RGS7: variants seen among roughly 807,000 people sequenced by gnomAD.
RGS7 encodes regulator of G protein signaling 7, also known as regulator of G-protein signaling 7.
In RGS7, 27 loss-of-function variants were observed where a neutral mutation model predicts 81.1. The observed-to-expected ratio is 0.33, with a 90% CI of 0.25 to 0.46. RGS7 has a LOEUF of 0.46. Among genes scored for constraint, RGS7 ranks in the 20% least tolerant of loss-of-function variants. The pLI is 1.00. For synonymous variants in RGS7, 208 were observed against 207.7 expected (o/e 1.00, Z -0.01); for missense variants, 396 against 607.4 (o/e 0.65, Z 3.66).
chr1:240,803,071 A>G lies in RGS7; in HGVS notation c.1270-78T>C, dbSNP rs898930318. On this transcript the variant is annotated intron_variant, in intron 15 of 18. Transcript: ENST00000440928. ...AAATATCATGATGTCACACATGGCT[A>G]AAGAACAAATCTAGTAGCAGCGAAA... is the stretch of plus-strand genomic sequence containing the variant. The G allele has an allele frequency of 4.0e-6, 4 of 991,286 alleles. No individual in the cohort carries two copies. In the African/African-American group the frequency reaches 4.8e-5, roughly 12 times the overall value. The allele number at this position is 991,286 out of a possible 1,614,324, so 61.4% of individuals were successfully genotyped here.
At chr1:240,930,812 A>AATT in intron 5 of RGS7, 44 bp from the exon 6 acceptor site, 1 of 1,580,670 alleles carries the variant, frequency 6.3e-7, no homozygotes. Context: ...ACAAATAAAA[A>AATT]ATTAGTGGAG....
intron 2 of RGS7, among the ~76,000 whole-genome samples, chr1:241,227,991 A>G (rs1169503517): frequency 6.6e-6 from 1 of 152,116 alleles, no homozygotes; most frequent in Non-Finnish European, 1.5e-5. Context: ...AGGCTACCTT[A>G]TGAGTTGCTG....
intron 2 of RGS7, among the ~76,000 whole-genome samples, chr1:241,110,118 G>T (rs1391862552): frequency 6.6e-6 from 1 of 152,038 alleles, no homozygotes; most frequent in African/African-American, 2.4e-5. Context: ...CTGTATAATT[G>T]CTATTGACTT....
At chr1:241,027,663 A>G (rs182293012) in intron 3 of RGS7, among the ~76,000 whole-genome samples, 2 of 152,252 alleles carry the variant, frequency 1.3e-5, no homozygotes, top group African/African-American at 4.8e-5. Context: ...GAAGCGAGGG[A>G]AAGAGAGACA....
chr1:241,089,020 CATCTCT>C (rs1181611948), intron 3 of RGS7, among the ~76,000 whole-genome samples: 6 of 45,456 alleles, frequency 1.3e-4, no homozygotes, highest in African/African-American at 7.1e-4. Flanking sequence ...AGCAAGACTC[CATCTCT>C]CTCTCTCTCT....
At chr1:241,335,185 T>C (rs937968599) in intron 2 of RGS7, among the ~76,000 whole-genome samples, 3 of 152,182 alleles carry the variant, frequency 2.0e-5, no homozygotes, top group Non-Finnish European at 2.9e-5. Context: ...GCACCCTAAA[T>C]GGTATCTTGA....
At chr1:240,944,866 A>G in intron 4 of RGS7, among the ~76,000 whole-genome samples, 1 of 152,316 alleles carries the variant, frequency 6.6e-6, no homozygotes, top group African/African-American at 2.4e-5. Flanking sequence ...GGCATGCGCC[A>G]CCACGCCCGG....
chr1:241,250,866 G>A (rs1207080516), intron 2 of RGS7, among the ~76,000 whole-genome samples: 1 of 152,198 alleles, frequency 6.6e-6, no homozygotes, highest in Non-Finnish European at 1.5e-5. Context: ...AAGCCCCTCC[G>A]AATAGTGAGT....
intron 3 of RGS7, among the ~76,000 whole-genome samples, chr1:241,002,667 T>C (rs1356461548): frequency 6.6e-6 from 1 of 152,238 alleles, no homozygotes; most frequent in East Asian, 1.9e-4. Flanking sequence ...CTTATGCCTG[T>C]ATCTTCAGTG....
intron 9 of RGS7, among the ~76,000 whole-genome samples, chr1:240,856,246 T>G (rs542065282): frequency 9.9e-5 from 15 of 152,204 alleles, no homozygotes; most frequent in Non-Finnish European, 1.9e-4. Flanking sequence ...TAACATTAGC[T>G]CAACGTAAAC....
intron 4 of RGS7, 60 bp from the exon 5 acceptor site, chr1:240,936,766 G>C (rs1676703434): frequency 7.9e-7 from 1 of 1,273,264 alleles, no homozygotes; most frequent in Non-Finnish European, 1.1e-6. Context: ...TCTTTTATAG[G>C]AATGTAACGT....
chr1:241,251,452 G>T lies in RGS7; in HGVS notation c.78+104247C>A, dbSNP rs141042218. Among the ~76,000 whole-genome samples, 857 of 152,246 alleles carry T rather than the reference G, an allele frequency of 5.6e-3. 3 individuals carry two copies. The highest frequency in any genetic ancestry group is 9.3e-3 in the Non-Finnish European group (630 of 68,018). ...GTTAAGCACTTGAAGTTTGCCTGGA[G>T]TGAAGAAGGTCCTACCAGTTAAGTG... On this transcript the variant is annotated intron_variant, in intron 2 of 18. Transcript: ENST00000440928.
chr1:240,920,183 G>C, intron 6 of RGS7: 1 of 1,059,370 alleles, frequency 9.4e-7, no homozygotes, highest in Non-Finnish European at 1.5e-6. Flanking sequence ...GTGAAGTTAG[G>C]AAAGCCCTGT....
intron 6 of RGS7, among the ~76,000 whole-genome samples, chr1:240,917,084 G>A (rs1282924139): frequency 6.6e-6 from 1 of 152,130 alleles, no homozygotes; most frequent in Non-Finnish European, 1.5e-5. Flanking sequence ...AACCATGCAA[G>A]CAAGAAGAGA....
At chr1:240,786,417 A>G (rs1347259042) in intron 18 of RGS7, among the ~76,000 whole-genome samples, 1 of 152,194 alleles carries the variant, frequency 6.6e-6, no homozygotes, top group Admixed American at 6.5e-5. Context: ...TGTTTTACCA[A>G]CTAAATGCAT....
At chr1:240,821,537 C>T (rs1324805265) in intron 10 of RGS7, among the ~76,000 whole-genome samples, 1 of 152,198 alleles carries the variant, frequency 6.6e-6, no homozygotes, top group African/African-American at 2.4e-5. Context: ...TTACTTGACA[C>T]ACTTTTGTGT....
intron 2 of RGS7, among the ~76,000 whole-genome samples, chr1:241,116,319 C>T (rs548433658): frequency 6.6e-6 from 1 of 152,240 alleles, no homozygotes; most frequent in East Asian, 1.9e-4. Context: ...TAAAAATCTT[C>T]AGTTTATTAT....
In RGS7 at chr1:240,827,188, C is replaced by G. The variant is rs2147792799; in HGVS notation, c.610-16G>C. ...CACATCCAGGCTGGGAATGGAAAAA[C>G]AGAGAGACAAATGAATCTTTGGGTG... On this transcript the variant is annotated splice_polypyrimidine_tract_variant and intron_variant, in intron 9 of 18. Transcript: ENST00000440928. The G allele has an allele frequency of 6.3e-7, 1 of 1,595,442 alleles. No individual in the cohort carries two copies. Among genetic ancestry groups the G allele is most frequent in the Non-Finnish European group, 8.6e-7 (1 of 1,163,036 alleles).
intron 2 of RGS7, among the ~76,000 whole-genome samples, chr1:241,137,407 T>TA: frequency 6.6e-6 from 1 of 152,228 alleles, no homozygotes; most frequent in East Asian, 1.9e-4. Flanking sequence ...TGTAGAATGT[T>TA]ATTGATATCT....
Sources: allele counts gnomAD v4.1 joint callset (sites outside exome capture counted in the v4.1 genomes callset), GRCh38; gene constraint gnomAD v4.1.1; transcripts MANE v1.5; gene names NCBI Gene and HGNC (gene_info 2026-07-23, HGNC 2026-07-21).